The following ANKRD6 variants were observed in gnomAD, a reference collection of about 807,000 sequenced individuals.
The protein encoded by ANKRD6 is ankyrin repeat domain-containing protein 6.
A neutral mutation model predicts 82.3 loss-of-function variants in ANKRD6; 56 were observed. The ratio of observed to expected loss-of-function variants is 0.68; its 90% CI spans 0.55 to 0.85. The LOEUF (loss-of-function observed/expected upper bound fraction) is 0.85, where lower values mean the gene tolerates loss of function less well. ANKRD6 is among the 40% of genes least tolerant of loss of function. The pLI is 0.00. For missense variants in ANKRD6, 852 were observed against 907.6 expected (o/e 0.94, Z 0.79); for synonymous variants, 347 against 352.1 (o/e 0.99, Z 0.16).
rs147185794 is a variant in ANKRD6 at position 89,562,230 on chromosome 6, C to T, written c.-143-4604C>T. 2.6e-5 allele frequency among the ~76,000 whole-genome samples: 4 copies of T among 152,282 alleles called. No homozygotes were observed. The East Asian group carries it at 7.7e-4, about 29-fold the overall frequency. Reference sequence around the variant, plus strand: ...CCCTGTTTACTCCCTTCCCCCTCCCCGGCAGAGACTGTTCAGAGGAGTATT... The same window carrying T: ...CCCTGTTTACTCCCTTCCCCCTCCCTGGCAGAGACTGTTCAGAGGAGTATT... On this transcript the variant is annotated intron_variant, in intron 1 of 15. Coordinates refer to ENST00000339746, the MANE Select transcript of ANKRD6 (RefSeq NM_001242809.2).
rs1802048662 is a variant in ANKRD6, at chr6:89,618,047, C to T, written c.792+16C>T. On this transcript the variant is annotated intron_variant, in intron 9 of 15. Transcript: ENST00000339746. ...AGCTCCCCAGGTAGGATTTACTGCC[C>T]TTTCCATGGTACTGATTATGCGGGA... 4 of 1,613,460 alleles carry T rather than the reference C, an allele frequency of 2.5e-6. No individual in the cohort carries two copies. Among genetic ancestry groups the T allele is most frequent in the Non-Finnish European group, 2.5e-6 (3 of 1,179,480 alleles).
chr6:89,534,519 AT>A (rs575098882), intron 1 of ANKRD6, among the ~76,000 whole-genome samples: 8 of 151,726 alleles, frequency 5.3e-5, no homozygotes, highest in Admixed American at 2.0e-4. Context: ...TCATAAAGTG[AT>A]TTTTTTTTGT....
chr6:89,629,612 T>G (rs1244349511), intron 15 of ANKRD6: 2 of 308,576 alleles, frequency 6.5e-6, no homozygotes, highest in Non-Finnish European at 1.3e-5. Context: ...TACCTCTTCC[T>G]TCTCTTTGAT....
At chr6:89,626,522 C>G (rs1422808266) in intron 13 of ANKRD6, among the ~76,000 whole-genome samples, 1 of 152,168 alleles carries the variant, frequency 6.6e-6, no homozygotes. Flanking sequence ...GAGCACAGGT[C>G]ACAGGAAAAC....
chr6:89,621,728 C>T (rs746906706), intron 9 of ANKRD6, 194 bp from the exon 10 acceptor site: 10 of 603,530 alleles, frequency 1.7e-5, no homozygotes, highest in East Asian at 5.7e-5. Flanking sequence ...TACCTGTCTC[C>T]GAGTCCCCGT....
At chr6:89,451,749 A>AC (rs1290579252) in intron 1 of ANKRD6, among the ~76,000 whole-genome samples, 2 of 152,336 alleles carry the variant, frequency 1.3e-5, no homozygotes, top group South Asian at 4.1e-4. Context: ...GTTAAAAGTG[A>AC]CCATGTTTTT....
intron 1 of ANKRD6, among the ~76,000 whole-genome samples, chr6:89,558,245 T>C (rs547080107): frequency 6.6e-6 from 1 of 152,248 alleles, no homozygotes; most frequent in Non-Finnish European, 1.5e-5. Context: ...ATGGAACTTA[T>C]GTCCACACAA....
intron 2 of ANKRD6, among the ~76,000 whole-genome samples, chr6:89,582,779 T>C (rs370469476): frequency 5.3e-5 from 8 of 152,330 alleles, no homozygotes; most frequent in Admixed American, 3.3e-4. Flanking sequence ...GCCCAAGTTA[T>C]TAGCCTCCTT....
At chr6:89,463,013 C>T (rs1383602074) in intron 1 of ANKRD6, among the ~76,000 whole-genome samples, 1 of 152,016 alleles carries the variant, frequency 6.6e-6, no homozygotes, top group African/African-American at 2.4e-5. Flanking sequence ...CATGTGCCAC[C>T]ATGCCCAGCT....
At chr6:89,457,381 A>G (rs541331569) in intron 1 of ANKRD6, among the ~76,000 whole-genome samples, 1 of 152,270 alleles carries the variant, frequency 6.6e-6, no homozygotes, top group Non-Finnish European at 1.5e-5. Context: ...AAAGTGTCTT[A>G]TTTTTGGGAA....
At chr6:89,526,151 T>A (rs1180233428) in intron 1 of ANKRD6, among the ~76,000 whole-genome samples, 1 of 152,214 alleles carries the variant, frequency 6.6e-6, no homozygotes, top group African/African-American at 2.4e-5. Context: ...TATTTTAGTC[T>A]CTCAGATCAC....
In ANKRD6 at chr6:89,630,641, T is replaced by C. The variant is rs1278237756; in HGVS notation, c.1821T>C (p.Asp607=). 1 of 1,612,752 alleles carries C rather than the reference T, an allele frequency of 6.2e-7. No homozygotes were observed. The highest frequency in any genetic ancestry group is 8.5e-7 in the Non-Finnish European group (1 of 1,179,044). ...LLPMNEAARS[D]QQAGPCVNRG... ...CCATGAATGAGGCAGCCAGATCTGA[T>C]CAGCAGGCTGGGCCCTGCGTCAACA... Residue 607 remains aspartate, a synonymous_variant, in exon 16 of 16, where the codon GAT becomes GAC. Coordinates refer to ENST00000339746, the MANE Select transcript of ANKRD6 (RefSeq NM_001242809.2).
intron 7 of ANKRD6, among the ~76,000 whole-genome samples, chr6:89,614,504 G>C (rs1224585506): frequency 6.6e-6 from 1 of 152,120 alleles, no homozygotes; most frequent in Non-Finnish European, 1.5e-5. Flanking sequence ...AAATTAGCCA[G>C]GCGTGGTGGC....
At position 89,630,726 on chromosome 6, in the gene ANKRD6, C is replaced by T. The variant is rs764011785; in HGVS notation, c.1906C>T (p.Pro636Ser). The T allele has an allele frequency of 4.8e-5, 77 of 1,613,810 alleles. No individual in the cohort carries two copies. The highest frequency in any genetic ancestry group is 8.5e-7 in the Non-Finnish European group (1 of 1,179,900). The change falls in exon 16 of 16, where the codon CCC becomes TCC. Residue 636 changes from proline to serine, a missense_variant. Coordinates refer to ENST00000339746, the MANE Select transcript of ANKRD6 (RefSeq NM_001242809.2). ...SGPTRHRAQQ[P>S]AASSTCGQPP... is the part of the protein sequence containing the mutation. Reference sequence around the variant, plus strand: ...GCCAACAAGGCATCGTGCCCAGCAACCCGCAGCCAGCAGCACCTGTGGGCA... The same window carrying T: ...GCCAACAAGGCATCGTGCCCAGCAATCCGCAGCCAGCAGCACCTGTGGGCA...
Position 89,517,650 on chromosome 6 carries a change from T to C in ANKRD6, c.-143-49184T>C, listed in dbSNP as rs186609270. 5.9e-5 allele frequency among the ~76,000 whole-genome samples: 9 copies of C among 152,356 alleles called. No homozygotes were observed. The East Asian group carries it at 1.7e-3, about 29-fold the overall frequency. On this transcript the variant is annotated intron_variant, in intron 1 of 15. Coordinates refer to ENST00000339746, the MANE Select transcript of ANKRD6 (RefSeq NM_001242809.2). ...GATTGTTTAATCAACATGATCATTA[T>C]TATAATTTATAGGAAAAACTTGATA...
intron 1 of ANKRD6, among the ~76,000 whole-genome samples, chr6:89,489,662 G>A (rs567333787): frequency 6.6e-6 from 1 of 152,326 alleles, no homozygotes; most frequent in East Asian, 1.9e-4. Context: ...TTTGGACAGT[G>A]CTGAGAGCAA....
At chr6:89,623,827 C>T (rs762536809) in intron 11 of ANKRD6, 45 bp from the exon 12 acceptor site, 2 of 1,568,196 alleles carry the variant, frequency 1.3e-6, no homozygotes, top group Non-Finnish European at 1.7e-6. Flanking sequence ...GTCAGTCTTG[C>T]AGAGGTCAAA....
intron 1 of ANKRD6, among the ~76,000 whole-genome samples, chr6:89,539,807 A>G (rs1164994273): frequency 2.0e-5 from 3 of 147,042 alleles, no homozygotes; most frequent in East Asian, 2.0e-4. Context: ...TAACTCCCCA[A>G]CCTCTGGTAA....
At chr6:89,533,691 C>T (rs1783465078) in intron 1 of ANKRD6, among the ~76,000 whole-genome samples, 1 of 150,986 alleles carries the variant, frequency 6.6e-6, no homozygotes, top group Non-Finnish European at 1.5e-5. Context: ...TTGCCTCCAG[C>T]CATCACGAAT....
Sources: gnomAD v4.1 joint callset for allele counts (sites outside exome capture counted in the v4.1 genomes callset) on GRCh38, gnomAD v4.1.1 for gene constraint, MANE v1.5 for transcripts, NCBI Gene and HGNC (gene_info 2026-07-23, HGNC 2026-07-21) for gene names.